Variants in GALNT14 observed in about 807,000 individuals in gnomAD.
GALNT14 encodes polypeptide N-acetylgalactosaminyltransferase 14, also known as UDP-GalNAc:polypeptide N-acetylgalactosaminyltransferase 14.
In GALNT14, 60 loss-of-function variants were observed where a neutral mutation model predicts 77.5. The ratio of observed to expected loss-of-function variants is 0.77; its 90% CI spans 0.63 to 0.96. The LOEUF is 0.96. GALNT14 is among the 40% of genes least tolerant of loss of function. GALNT14 has a pLI of 0.00. For missense variants in GALNT14, 710 were observed against 731.0 expected (o/e 0.97, Z 0.33); for synonymous variants, 280 against 281.7 (o/e 0.99, Z 0.06).
intron 1 of GALNT14, among the ~76,000 whole-genome samples, chr2:31,061,607 T>G (rs935601762): frequency 1.3e-5 from 2 of 152,162 alleles, no homozygotes; most frequent in Admixed American, 6.5e-5. Flanking sequence ...TCATATGCCC[T>G]TTCCCACTTG....
intron 6 of GALNT14, among the ~76,000 whole-genome samples, chr2:30,953,811 G>A (rs1416324464): frequency 3.3e-5 from 5 of 152,308 alleles, no homozygotes; most frequent in South Asian, 4.1e-4. Context: ...CTCAGGAAAC[G>A]TCTGTTGATT....
At chr2:31,113,616 G>A (rs1309715785) in intron 1 of GALNT14, among the ~76,000 whole-genome samples, 2 of 152,170 alleles carry the variant, frequency 1.3e-5, no homozygotes, top group South Asian at 2.1e-4. Context: ...CTGGCTGGTG[G>A]TACTGCTCCT....
At chr2:30,898,084 T>C in the GALNT14 span, among the ~76,000 whole-genome samples, 1 of 152,112 alleles carries the variant, frequency 6.6e-6, no homozygotes, top group African/African-American at 2.4e-5. Flanking sequence ...GATGATTAGA[T>C]CATGAGGGTG....
At chr2:31,006,898 T>G (rs926027986) in intron 1 of GALNT14, among the ~76,000 whole-genome samples, 1 of 152,198 alleles carries the variant, frequency 6.6e-6, no homozygotes, top group East Asian at 1.9e-4. Flanking sequence ...AGGGGGAGGA[T>G]AGATCTCCCC....
intron 1 of GALNT14, among the ~76,000 whole-genome samples, chr2:31,110,993 C>G (rs1354075211): frequency 6.6e-6 from 1 of 152,174 alleles, no homozygotes; most frequent in South Asian, 2.1e-4. Flanking sequence ...TCAGGTACCC[C>G]ACTTGTAAGA....
At chr2:30,917,076 C>CAAATAAAAAAAA (rs1664724306) in intron 13 of GALNT14, among the ~76,000 whole-genome samples, 1 of 19,892 alleles carries the variant, frequency 5.0e-5, no homozygotes, top group Non-Finnish European at 9.3e-5. Context: ...GACTCCGTCT[C>CAAATAAAAAAAA]AAAAAAAAAA....
At chr2:30,931,070 A>C (rs1665699579) in intron 10 of GALNT14, among the ~76,000 whole-genome samples, 3 of 152,300 alleles carry the variant, frequency 2.0e-5, no homozygotes, top group Middle Eastern at 3.4e-3. Context: ...TTAAAACCTG[A>C]GAGCTGAGGC....
chr2:31,016,166 A>G (rs1450751651), intron 1 of GALNT14, among the ~76,000 whole-genome samples: 1 of 152,166 alleles, frequency 6.6e-6, no homozygotes, highest in Non-Finnish European at 1.5e-5. Flanking sequence ...ACGTGCGAAC[A>G]GGGTTAGTTT....
intron 1 of GALNT14, among the ~76,000 whole-genome samples, chr2:31,007,673 A>G (rs1368155611): frequency 6.6e-6 from 1 of 152,192 alleles, no homozygotes; most frequent in African/African-American, 2.4e-5. Context: ...TGCAATTCAG[A>G]TGCATTGGGA....
chr2:31,088,238 G>T (rs1676554137), intron 1 of GALNT14, among the ~76,000 whole-genome samples: 2 of 152,172 alleles, frequency 1.3e-5, no homozygotes, highest in African/African-American at 4.8e-5. Context: ...TGATGTGTTG[G>T]CAACCGCTTC....
At chr2:30,981,377 C>A (rs149893852) in intron 2 of GALNT14, among the ~76,000 whole-genome samples, 1 of 152,208 alleles carries the variant, frequency 6.6e-6, no homozygotes, top group Non-Finnish European at 1.5e-5. Context: ...CTGCCTTCTA[C>A]GTGATGTGCC....
chr2:31,080,903 T>G (rs1352809472), intron 1 of GALNT14, among the ~76,000 whole-genome samples: 1 of 152,144 alleles, frequency 6.6e-6, no homozygotes. Flanking sequence ...AGATACAGAA[T>G]ATATGTGGCC....
In GALNT14 at chr2:30,912,350, G is replaced by C; in HGVS notation, c.1381-8C>G. ...GTATGTGAAGGCCCATACCTGGGGA[G>C]AAAGAGACCAGGAAGGTTTGTTCAG... is the stretch of plus-strand genomic sequence containing the variant. On this transcript the variant is annotated splice_region_variant and splice_polypyrimidine_tract_variant and intron_variant, in intron 13 of 14. Transcript: ENST00000349752. 1 of 1,613,554 alleles carries C rather than the reference G, an allele frequency of 6.2e-7. No homozygotes were observed. Among genetic ancestry groups the C allele is most frequent in the South Asian group, 1.1e-5 (1 of 90,968 alleles).
the GALNT14 span, among the ~76,000 whole-genome samples, chr2:30,898,187 G>A: frequency 6.6e-6 from 1 of 152,330 alleles, no homozygotes; most frequent in South Asian, 2.1e-4. Context: ...GACACAGGGA[G>A]AAAGTGGGCC....
At chr2:31,063,459 G>A (rs1208782838) in intron 1 of GALNT14, among the ~76,000 whole-genome samples, 1 of 152,162 alleles carries the variant, frequency 6.6e-6, no homozygotes, top group African/African-American at 2.4e-5. Flanking sequence ...TTTGGTTACT[G>A]TAATCTTGTA....
At chr2:30,927,779 C>T (rs1009558618) in intron 11 of GALNT14, among the ~76,000 whole-genome samples, 2 of 152,078 alleles carry the variant, frequency 1.3e-5, no homozygotes, top group African/African-American at 2.4e-5. Flanking sequence ...CGAGGGAGAA[C>T]GCTAGCTAGG....
chr2:30,953,339 T>A (rs1404139214), intron 6 of GALNT14, among the ~76,000 whole-genome samples: 1 of 148,666 alleles, frequency 6.7e-6, no homozygotes, highest in East Asian at 2.0e-4. Context: ...GAGAGAGTCT[T>A]GCTCTGTCGC....
In GALNT14 at chr2:30,992,055, G is replaced by C. The variant is rs1466349163; in HGVS notation, c.299+783C>G. On this transcript the variant is annotated intron_variant, in intron 2 of 14. Coordinates refer to ENST00000349752, the MANE Select transcript of GALNT14 (RefSeq NM_024572.4). ...ACAAGAAAGGCCCACACAGGTCTTT[G>C]GCATTTCTGGGCCCCCAGTTTGGAG... is the stretch of plus-strand genomic sequence containing the variant. 5.9e-5 allele frequency among the ~76,000 whole-genome samples: 9 copies of C among 152,318 alleles called. No individual in the cohort carries two copies. In the South Asian group the frequency reaches 1.4e-3, roughly 25 times the overall value.
At chr2:30,948,523 T>C (rs1666837610) in intron 6 of GALNT14, among the ~76,000 whole-genome samples, 1 of 152,164 alleles carries the variant, frequency 6.6e-6, no homozygotes, top group Non-Finnish European at 1.5e-5. Flanking sequence ...TGACACCCAA[T>C]AAAAACCCTG....
Sources: allele counts gnomAD v4.1 joint callset (sites outside exome capture counted in the v4.1 genomes callset), GRCh38; gene constraint gnomAD v4.1.1; transcripts MANE v1.5; gene names NCBI Gene and HGNC (gene_info 2026-07-23, HGNC 2026-07-21).